Variants in MAP7D2 observed in about 807,000 individuals in gnomAD.
MAP7D2 encodes the protein MAP7 domain-containing protein 2.
Under a neutral mutation model 63.5 loss-of-function variants are expected in MAP7D2, and 33 were observed. The ratio of observed to expected loss-of-function variants is 0.52; its 90% CI spans 0.39 to 0.70. MAP7D2 has a LOEUF of 0.70. Among genes scored for constraint, MAP7D2 ranks in the 30% least tolerant of loss-of-function variants. The pLI is 0.00. For missense variants in MAP7D2, 626 were observed against 604.0 expected (o/e 1.04, Z -0.38); for synonymous variants, 224 against 223.7 (o/e 1.00, Z -0.01).
intron 1 of MAP7D2, among the ~76,000 whole-genome samples, chrX:20,093,956 C>T (rs1391256899): frequency 1.8e-5 from 2 of 111,004 alleles, no homozygotes; most frequent in African/African-American, 6.5e-5. Flanking sequence ...CACAATAAAA[C>T]CATGTCCAAA....
chrX:20,116,533 A>C, intron 1 of MAP7D2: 2 of 897,796 alleles, frequency 2.2e-6, no homozygotes, highest in Non-Finnish European at 2.7e-6. Context: ...CCACTCACCC[A>C]GGTCGCCCCA....
At chrX:20,084,172 G>C (rs1451346119) in intron 1 of MAP7D2, among the ~76,000 whole-genome samples, 2 of 98,797 alleles carry the variant, frequency 2.0e-5, no homozygotes, top group Non-Finnish European at 4.0e-5. Context: ...CTGCACCCCC[G>C]CCTGGTCAAC....
intron 3 of MAP7D2, among the ~76,000 whole-genome samples, chrX:20,058,740 G>A (rs912279859): frequency 1.8e-5 from 2 of 112,013 alleles, no homozygotes; most frequent in Non-Finnish European, 3.8e-5. Context: ...CCCACTTTTG[G>A]AGAGATGATG....
intron 1 of MAP7D2, among the ~76,000 whole-genome samples, chrX:20,115,975 G>T (rs1382712270): frequency 8.9e-6 from 1 of 112,859 alleles, no homozygotes; most frequent in East Asian, 2.8e-4. Flanking sequence ...TTTACAGAAC[G>T]TTAGCATCAG....
intron 1 of MAP7D2, among the ~76,000 whole-genome samples, chrX:20,079,178 G>A (rs2065717707): frequency 9.0e-6 from 1 of 111,045 alleles, no homozygotes; most frequent in Admixed American, 9.7e-5. Flanking sequence ...CTGTGAAGAA[G>A]TGGGGTGTAT....
In MAP7D2 at chrX:20,107,495, G is replaced by A. The variant is rs774180133; in HGVS notation, c.130+9255C>T. Among the ~76,000 whole-genome samples the A allele has an allele frequency of 5.4e-5, 6 of 111,071 alleles. No homozygotes were observed. In the South Asian group the frequency reaches 1.1e-3, roughly 21 times the overall value. Reference sequence around the variant, plus strand: ...CTAAGGCATAAGAACCGTTTGAACCGGGGAGGTAGAGGTTGCAGTGAGCCA... The same window carrying A: ...CTAAGGCATAAGAACCGTTTGAACCAGGGAGGTAGAGGTTGCAGTGAGCCA... On this transcript the variant is annotated intron_variant, in intron 1 of 16. Coordinates refer to ENST00000379643, the MANE Select transcript of MAP7D2 (RefSeq NM_001168465.2).
chrX:20,020,667 CCCACCTGCCCTAGCTCTCACCAAAA>C (rs1348467252), intron 10 of MAP7D2, among the ~76,000 whole-genome samples: 3 of 111,255 alleles, frequency 2.7e-5, no homozygotes, highest in Non-Finnish European at 5.7e-5. Context: ...CGCATGTGCC[CCCACCTGCCCTAGCTCTCACCAAAA>C]CCACCTGCCA....
chrX:20,096,081 C>CAAAAAAAAAAAAAAAAAAAAA (rs1208579984), intron 1 of MAP7D2, among the ~76,000 whole-genome samples: 3 of 14,892 alleles, frequency 2.0e-4, no homozygotes, highest in Non-Finnish European at 3.6e-4. Flanking sequence ...GACTCTTCCT[C>CAAAAAAAAAAAAAAAAAAAAA]AAAAAAAAAA....
intron 1 of MAP7D2, among the ~76,000 whole-genome samples, chrX:20,084,291 TA>T (rs945753685): frequency 8.2e-5 from 9 of 109,598 alleles, no homozygotes; most frequent in South Asian, 3.9e-4. Flanking sequence ...ATGTGACGAA[TA>T]AAAAAACCTT....
chrX:20,087,894 T>C (rs1294908961), intron 1 of MAP7D2, among the ~76,000 whole-genome samples: 1 of 83,645 alleles, frequency 1.2e-5, no homozygotes, highest in Non-Finnish European at 2.3e-5. Flanking sequence ...TTTTTTTTTT[T>C]TTTTTTTTTT....
intron 8 of MAP7D2, among the ~76,000 whole-genome samples, chrX:20,035,940 G>A (rs1751817310): frequency 9.1e-6 from 1 of 109,562 alleles, no homozygotes; most frequent in African/African-American, 3.3e-5. Flanking sequence ...GTGTGTGTGT[G>A]TGTGTGTGTG....
At chrX:20,022,899 G>A (rs1163815344) in intron 10 of MAP7D2, among the ~76,000 whole-genome samples, 1 of 112,497 alleles carries the variant, frequency 8.9e-6, no homozygotes, top group Non-Finnish European at 1.9e-5. Flanking sequence ...GCTGCCCAAT[G>A]TGGTGTGGAT....
intron 8 of MAP7D2, among the ~76,000 whole-genome samples, chrX:20,036,297 A>T (rs1569517932): frequency 9.1e-6 from 1 of 109,498 alleles, no homozygotes; most frequent in Non-Finnish European, 1.9e-5. Context: ...CCTGGGCTGG[A>T]AGTGGCGCGA....
Position 20,052,873 on chromosome X carries a change from C to CT in MAP7D2, c.595+4dup. 8.5e-7 allele frequency: 1 copy of CT among 1,179,877 alleles called. No homozygotes were observed. Among genetic ancestry groups the CT allele is most frequent in the South Asian group, 1.8e-5 (1 of 56,303 alleles). On this transcript the variant is annotated splice_donor_region_variant and intron_variant, in intron 5 of 16. Transcript: ENST00000379643. ...TAGAGAGACCAAGTCTACATGTTCA[C>CT]TTGCCTCGGTCTGGGGAATAGGATA... is the stretch of plus-strand genomic sequence containing the variant.
intron 8 of MAP7D2, among the ~76,000 whole-genome samples, chrX:20,027,035 G>C (rs1220812285): frequency 8.9e-6 from 1 of 112,368 alleles, no homozygotes. Flanking sequence ...GAGGCTTAGA[G>C]TTACCAAATC....
At chrX:20,068,007 A>G (rs1483940795) in intron 1 of MAP7D2, among the ~76,000 whole-genome samples, 3 of 111,977 alleles carry the variant, frequency 2.7e-5, no homozygotes. Context: ...TGGGTGGGGA[A>G]GGGGTTACAG....
intron 1 of MAP7D2, among the ~76,000 whole-genome samples, chrX:20,095,220 T>C (rs1346094305): frequency 2.7e-5 from 3 of 111,643 alleles, no homozygotes; most frequent in South Asian, 7.5e-4. Flanking sequence ...TTTTGTTTGT[T>C]TGTTTGTTTG....
chrX:20,078,103 A>G (rs1321369388), intron 1 of MAP7D2, among the ~76,000 whole-genome samples: 4 of 112,255 alleles, frequency 3.6e-5, no homozygotes, highest in Non-Finnish European at 7.5e-5. Context: ...CAGTAACTCA[A>G]TCTGGTAAAT....
rs1048049285 is a variant in MAP7D2 at position 20,006,852 on chromosome X, G to A, written c.*1573C>T. The A allele has an allele frequency of 2.7e-5, 3 of 111,956 alleles. No homozygotes were observed. Among genetic ancestry groups the A allele is most frequent in the South Asian group, 7.4e-4 (2 of 2,707 alleles). The allele number at this position is 111,956 out of a possible 1,213,427, so 9.2% of individuals were successfully genotyped here. Reference sequence around the variant, plus strand: ...ATTGAGCTTACAGAAAAAATAAAACGCTAGCAAGTCATCAGACTCTTCAAT... The same window carrying A: ...ATTGAGCTTACAGAAAAAATAAAACACTAGCAAGTCATCAGACTCTTCAAT... On this transcript the variant is annotated 3_prime_UTR_variant, in exon 17 of 17. Transcript: ENST00000379643.
Sources: allele counts gnomAD v4.1 joint callset (sites outside exome capture counted in the v4.1 genomes callset), GRCh38; gene constraint gnomAD v4.1.1; transcripts MANE v1.5; gene names NCBI Gene and HGNC (gene_info 2026-07-23, HGNC 2026-07-21).